Variants in ANKRD29 observed in about 807,000 individuals in gnomAD.
ANKRD29 encodes the protein ankyrin repeat domain 29.
A neutral mutation model predicts 38.0 loss-of-function variants in ANKRD29; 32 were observed. The ratio of observed to expected loss-of-function variants is 0.84; its 90% CI spans 0.64 to 1.13. The LOEUF is 1.13. Among genes scored for constraint, ANKRD29 ranks in the 50% most tolerant of loss-of-function variants. The pLI is 0.00. For synonymous variants in ANKRD29, 135 were observed against 152.4 expected (o/e 0.89, Z 0.84); for missense variants, 357 against 377.9 (o/e 0.94, Z 0.46).
chr18:23,622,948 T>C (rs1383643876), intron 6 of ANKRD29, among the ~76,000 whole-genome samples: 1 of 151,954 alleles, frequency 6.6e-6, no homozygotes, highest in African/African-American at 2.4e-5. Context: ...TCATGGGAGG[T>C]GGAAAAAGCA....
intron 5 of ANKRD29, among the ~76,000 whole-genome samples, chr18:23,633,277 A>T (rs180780295): frequency 3.9e-5 from 6 of 152,330 alleles, no homozygotes; most frequent in Admixed American, 1.3e-4. Flanking sequence ...TATATTTCAC[A>T]GAGGTCTTCA....
chr18:23,622,673 C>T (rs1242780033), intron 6 of ANKRD29, among the ~76,000 whole-genome samples: 1 of 152,114 alleles, frequency 6.6e-6, no homozygotes, highest in Non-Finnish European at 1.5e-5. Flanking sequence ...TTCCAGAGAT[C>T]CTCCTGCCTC....
chr18:23,649,612 C>G (rs1384492957), intron 1 of ANKRD29: 2 of 469,372 alleles, frequency 4.3e-6, no homozygotes, highest in South Asian at 1.6e-5. Context: ...AAATTTCTCC[C>G]AATTCTGACC....
At chr18:23,617,447 A>C (rs2059738612) in intron 8 of ANKRD29, among the ~76,000 whole-genome samples, 1 of 152,042 alleles carries the variant, frequency 6.6e-6, no homozygotes, top group Non-Finnish European at 1.5e-5. Flanking sequence ...AAATCCTCCA[A>C]ATGGTGTCAA....
At position 23,646,311 on chromosome 18, in the gene ANKRD29, A is replaced by G. The variant is rs183573022; in HGVS notation, c.133-24T>C. The G allele has an allele frequency of 4.3e-4, 682 of 1,602,626 alleles. 2 individuals are homozygous for G. In the African/African-American group the frequency reaches 8.4e-3, roughly 20 times the overall value. On this transcript the variant is annotated intron_variant, in intron 2 of 9. Coordinates refer to ENST00000592179, the MANE Select transcript of ANKRD29 (RefSeq NM_173505.4). ...TGCTGGATGGAGGAGAGACAGATGA[A>G]GAGTTAGGCCACTGCTATGTCAGAG...
chr18:23,638,768 G>C, intron 4 of ANKRD29, 81 bp downstream of exon 4: 1 of 1,107,526 alleles, frequency 9.0e-7, no homozygotes, highest in South Asian at 1.6e-5. Context: ...ACATAAATTC[G>C]TACCATAGAT....
chr18:23,650,834 A>G (rs1299261778), intron 1 of ANKRD29, among the ~76,000 whole-genome samples: 1 of 152,242 alleles, frequency 6.6e-6, no homozygotes, highest in Non-Finnish European at 1.5e-5. Context: ...AGTCAGAATC[A>G]ATAGGCAAAA....
intron 4 of ANKRD29, among the ~76,000 whole-genome samples, chr18:23,636,363 C>G (rs1370637012): frequency 1.3e-5 from 2 of 152,134 alleles, no homozygotes; most frequent in African/African-American, 4.8e-5. Flanking sequence ...CGGTCTAGAA[C>G]TCCTGGGCTC....
intron 2 of ANKRD29, chr18:23,647,471 A>G (rs936367736): frequency 4.6e-5 from 7 of 152,310 alleles, no homozygotes; most frequent in African/African-American, 7.2e-5. Context: ...AAGTATCGGT[A>G]AAGTAACGAA....
At chr18:23,629,625 G>C (rs1438126153) in intron 6 of ANKRD29, among the ~76,000 whole-genome samples, 1 of 152,228 alleles carries the variant, frequency 6.6e-6, no homozygotes, top group Non-Finnish European at 1.5e-5. Context: ...CTTAAGTTTT[G>C]AAAGTACTGA....
chr18:23,642,077 G>T (rs1247033860), intron 3 of ANKRD29, among the ~76,000 whole-genome samples: 1 of 152,092 alleles, frequency 6.6e-6, no homozygotes, highest in East Asian at 1.9e-4. Flanking sequence ...CTCCTGGGAG[G>T]TGTTCTGTCA....
intron 9 of ANKRD29, among the ~76,000 whole-genome samples, chr18:23,609,025 C>T (rs1166836456): frequency 2.6e-5 from 4 of 151,430 alleles, no homozygotes; most frequent in Non-Finnish European, 4.4e-5. Flanking sequence ...ACCTGGGAGG[C>T]GGAGGTTGCA....
intron 9 of ANKRD29, among the ~76,000 whole-genome samples, chr18:23,605,558 G>A (rs1212005736): frequency 6.7e-6 from 1 of 149,018 alleles, no homozygotes; most frequent in Non-Finnish European, 1.5e-5. Context: ...ACAGAGTCTC[G>A]CTCCGTCACC....
chr18:23,624,474 A>G (rs1237584435), intron 6 of ANKRD29, among the ~76,000 whole-genome samples: 1 of 110,022 alleles, frequency 9.1e-6, no homozygotes, highest in African/African-American at 4.9e-5. Context: ...CTCAAAAAAA[A>G]AAAAAAAAAA....
rs557338231 is a variant in ANKRD29, at chr18:23,604,783, C to G, written c.823-3474G>C. 3.0e-4 allele frequency among the ~76,000 whole-genome samples: 45 copies of G among 152,234 alleles called. No individual in the cohort carries two copies. The South Asian group carries it at 9.1e-3, about 31-fold the overall frequency. ...TGACCTCATGATCCACCTGCCTCAG[C>G]CTCCCAAAGTGCTGGAATTACAGGC... On this transcript the variant is annotated intron_variant, in intron 9 of 9. Coordinates refer to ENST00000592179, the MANE Select transcript of ANKRD29 (RefSeq NM_173505.4).
intron 8 of ANKRD29, among the ~76,000 whole-genome samples, chr18:23,616,204 A>G (rs572622716): frequency 1.3e-5 from 2 of 149,672 alleles, no homozygotes; most frequent in African/African-American, 4.9e-5. Flanking sequence ...CATCCATACT[A>G]TATGTACTAT....
chr18:23,639,021 A>G (rs2060038930), intron 3 of ANKRD29, 74 bp from the exon 4 acceptor site: 1 of 1,171,658 alleles, frequency 8.5e-7, no homozygotes, highest in African/African-American at 1.6e-5. Context: ...CTGCAAAGAA[A>G]ACAAAACAAT....
chr18:23,645,710 C>T lies in ANKRD29; in HGVS notation c.231+479G>A, dbSNP rs576318206. Among the ~76,000 whole-genome samples, 20 of 152,316 alleles carry T rather than the reference C, an allele frequency of 1.3e-4. No homozygotes were observed. The South Asian group carries it at 1.7e-3, about 13-fold the overall frequency. On this transcript the variant is annotated intron_variant, in intron 3 of 9. Coordinates refer to ENST00000592179, the MANE Select transcript of ANKRD29 (RefSeq NM_173505.4). The stretch of plus-strand genomic sequence containing the variant: ...CATTTTTGTCCAGTGTTGACCCATA[C>T]GGCTTTTTCCAGGAGAGCTTATTTA...
intron 9 of ANKRD29, among the ~76,000 whole-genome samples, chr18:23,606,433 T>C (rs763360768): frequency 2.3e-4 from 35 of 152,208 alleles, no homozygotes; most frequent in Non-Finnish European, 4.9e-4. Flanking sequence ...ATCTTTTTAT[T>C]ATCAAGAATA....
Sources: gnomAD v4.1 joint callset for allele counts (sites outside exome capture counted in the v4.1 genomes callset) on GRCh38, gnomAD v4.1.1 for gene constraint, MANE v1.5 for transcripts, NCBI Gene and HGNC (gene_info 2026-07-23, HGNC 2026-07-21) for gene names.